CNTN4: variants seen among roughly 807,000 people sequenced by gnomAD.
The protein encoded by CNTN4 is contactin-4.
In CNTN4, 77 loss-of-function variants were observed where a neutral mutation model predicts 122.5. The ratio of observed to expected loss-of-function variants is 0.63; its 90% confidence interval spans 0.52 to 0.76. CNTN4 has a LOEUF of 0.76. Ranked by LOEUF, CNTN4 falls within the 30% of genes least tolerant of loss-of-function variation. The pLI is 0.00. For missense variants in CNTN4, 1,256 were observed against 1,259.1 expected (o/e 1.00, Z 0.04); for synonymous variants, 512 against 447.0 (o/e 1.15, Z -1.83).
At chr3:3,034,501 G>C in intron 16 of CNTN4, 131 bp from the exon 17 acceptor site, 1 of 1,006,966 alleles carries the variant, frequency 9.9e-7, no homozygotes, top group Non-Finnish European at 1.5e-6. Flanking sequence ...AGTTCAAAAA[G>C]GATTTGACAA....
chr3:2,917,960 T>G (rs1476834759), intron 12 of CNTN4, among the ~76,000 whole-genome samples: 1 of 152,160 alleles, frequency 6.6e-6, no homozygotes, highest in Non-Finnish European at 1.5e-5. Context: ...CCATCTCTTC[T>G]TTTTCCAGCA....
At chr3:2,525,152 A>C (rs568825884) in intron 3 of CNTN4, among the ~76,000 whole-genome samples, 52 of 152,112 alleles carry the variant, frequency 3.4e-4, no homozygotes, top group African/African-American at 1.2e-3. Flanking sequence ...GGAGATAGCT[A>C]TGGTGTTCAT....
At chr3:2,149,901 C>T (rs994685112) in intron 2 of CNTN4, among the ~76,000 whole-genome samples, 2 of 151,200 alleles carry the variant, frequency 1.3e-5, no homozygotes, top group Admixed American at 6.6e-5. Flanking sequence ...GTGAAATAAC[C>T]AAAAAGGTTG....
intron 3 of CNTN4, among the ~76,000 whole-genome samples, chr3:2,561,414 C>A (rs1575998821): frequency 6.6e-6 from 1 of 152,092 alleles, no homozygotes; most frequent in South Asian, 2.1e-4. Context: ...TGGGAAAGAG[C>A]AGGGTTTCTG....
chr3:3,013,017 A>G (rs901234438), intron 14 of CNTN4, among the ~76,000 whole-genome samples: 1 of 152,088 alleles, frequency 6.6e-6, no homozygotes, highest in Non-Finnish European at 1.5e-5. Context: ...ACCTTAGAAC[A>G]TCACCCTCTT....
chr3:2,996,424 C>T (rs1254785015), intron 14 of CNTN4, among the ~76,000 whole-genome samples: 3 of 152,084 alleles, frequency 2.0e-5, no homozygotes, highest in African/African-American at 7.2e-5. Context: ...GAAGAGACAC[C>T]TTTTACCTGG....
At chr3:2,127,549 T>A (rs922245385) in intron 2 of CNTN4, among the ~76,000 whole-genome samples, 25 of 152,018 alleles carry the variant, frequency 1.6e-4, no homozygotes, top group Admixed American at 1.6e-3. Flanking sequence ...TTAAAAAAAA[T>A]CAAGAATATT....
chr3:2,550,454 A>T (rs1034581309), intron 3 of CNTN4, among the ~76,000 whole-genome samples: 6 of 152,166 alleles, frequency 3.9e-5, no homozygotes, highest in Admixed American at 2.0e-4. Context: ...GAAACAGCAG[A>T]TGCTGGAGAG....
intron 3 of CNTN4, among the ~76,000 whole-genome samples, chr3:2,430,865 A>G (rs971911522): frequency 2.6e-5 from 4 of 152,176 alleles, no homozygotes; most frequent in Non-Finnish European, 5.9e-5. Flanking sequence ...TGCTCAAATT[A>G]TGCAACAGAC....
At chr3:2,440,971 A>G (rs898914054) in intron 3 of CNTN4, among the ~76,000 whole-genome samples, 7 of 150,230 alleles carry the variant, frequency 4.7e-5, no homozygotes, top group Non-Finnish European at 1.0e-4. Flanking sequence ...ATATATTTCT[A>G]TATACATATG....
At chr3:2,325,801 A>G (rs2043434560) in intron 2 of CNTN4, among the ~76,000 whole-genome samples, 1 of 152,354 alleles carries the variant, frequency 6.6e-6, no homozygotes, top group East Asian at 1.9e-4. Flanking sequence ...CATTATGTAT[A>G]TAACATCAGT....
chr3:3,016,987 G>A (rs1036187932), intron 14 of CNTN4, among the ~76,000 whole-genome samples: 12 of 152,062 alleles, frequency 7.9e-5, no homozygotes, highest in African/African-American at 2.2e-4. Flanking sequence ...ACGTTGTTCC[G>A]AGAACCAGGT....
chr3:2,488,220 G>A (rs1438806116), intron 3 of CNTN4, among the ~76,000 whole-genome samples: 2 of 152,198 alleles, frequency 1.3e-5, no homozygotes, highest in East Asian at 3.9e-4. Flanking sequence ...GTTCATGTTT[G>A]CTAGGAAAAT....
chr3:2,957,766 G>A (rs544473611), intron 13 of CNTN4, among the ~76,000 whole-genome samples: 4 of 54,430 alleles, frequency 7.3e-5, no homozygotes, highest in Admixed American at 2.5e-4. Flanking sequence ...CAAAGGACAC[G>A]ATTTTGTTCT....
chr3:2,382,171 A>ATTT (rs60838071), intron 3 of CNTN4, among the ~76,000 whole-genome samples: 6 of 139,694 alleles, frequency 4.3e-5, no homozygotes, highest in African/African-American at 1.6e-4. Flanking sequence ...TCCTATCGTG[A>ATTT]TTTTTTTTTT....
intron 14 of CNTN4, among the ~76,000 whole-genome samples, chr3:3,022,145 G>T (rs1698359185): frequency 6.6e-6 from 1 of 151,442 alleles, no homozygotes; most frequent in Non-Finnish European, 1.5e-5. Flanking sequence ...TCAGGAGGTT[G>T]AAGTGGGAGG....
At chr3:3,042,892 A>G (rs1700295882) in intron 21 of CNTN4, 85 bp from the exon 22 acceptor site, 1 of 1,098,308 alleles carries the variant, frequency 9.1e-7, no homozygotes, top group African/African-American at 1.5e-5. Context: ...CTCCATCATA[A>G]GAATCTGCGT....
At chr3:2,521,343 T>TCGGCCCCCCCCCCCCCCCCCCCCCC (rs781282977) in intron 3 of CNTN4, among the ~76,000 whole-genome samples, 1 of 128,296 alleles carries the variant, frequency 7.8e-6, no homozygotes, top group Non-Finnish European at 1.6e-5. Flanking sequence ...CCTCTACCCA[T>TCGGCCCCCCCCCCCCCCCCCCCCCC]CCCCCCCACC....
chr3:2,870,474 G>A (rs1387169544), intron 8 of CNTN4, among the ~76,000 whole-genome samples: 3 of 152,070 alleles, frequency 2.0e-5, no homozygotes, highest in South Asian at 4.1e-4. Context: ...AGAGAAAAGG[G>A]GAAATACAAA....
Sources: allele counts gnomAD v4.1 joint callset (sites outside exome capture counted in the v4.1 genomes callset), GRCh38; gene constraint gnomAD v4.1.1; transcripts MANE v1.5; gene names NCBI Gene and HGNC (gene_info 2026-07-23, HGNC 2026-07-21).